MUC12: variants seen among roughly 807,000 people sequenced by gnomAD.
The protein encoded by MUC12 is mucin-12.
Under a neutral mutation model 230.8 loss-of-function variants are expected in MUC12, and 172 were observed. The ratio of observed to expected loss-of-function variants is 0.75; its 90% CI spans 0.66 to 0.85. MUC12 has a LOEUF of 0.85. MUC12 is among the 40% of genes least tolerant of loss of function. The probability of loss-of-function intolerance (pLI) is 0.00; values close to 1 mark genes in which losing one functional copy is unlikely to be tolerated. For missense variants in MUC12, 3,506 were observed against 5,920.6 expected, an observed-to-expected ratio of 0.59 and a Z score of 13.38; for synonymous variants, 1,259 against 2,401.9, an observed-to-expected ratio of 0.52 and a Z score of 13.91.
chr7:101,006,409 G>C, intron 2 of MUC12, 62 bp from the exon 3 acceptor site: 1 of 1,079,664 alleles, frequency 9.3e-7, no homozygotes, highest in African/African-American at 1.6e-5. Context: ...CCTGGAATGG[G>C]AGTGCGTGTT....
Position 101,017,661 on chromosome 7 carries a change from G to A in MUC12, c.15964G>A (p.Glu5322Lys). The change falls in exon 11 of 12, where the codon GAG becomes AAG. Residue 5322 changes from glutamate to lysine, a missense_variant and splice_region_variant. By Grantham distance (56) the Glu-to-Lys change is moderately conservative (BLOSUM62 1). Coordinates refer to ENST00000536621, the MANE Select transcript of MUC12 (RefSeq NM_001164462.2). ...CCTGGAGACTGTTGACTCTGGCACA[G>A]AGGTGACTCAGCTGCGAGCTGCCCC... ...PTLETVDSGT[E>K]LHIQRPEMVA... 6.5e-7 allele frequency: 1 copy of A among 1,535,640 alleles called. No individual in the cohort carries two copies. Among genetic ancestry groups the A allele is most frequent in the Non-Finnish European group, 8.7e-7 (1 of 1,145,842 alleles).
At chr7:100,975,679 A>G (rs1178207223) in intron 1 of MUC12, among the ~76,000 whole-genome samples, 1 of 60,062 alleles carries the variant, frequency 1.7e-5, no homozygotes, top group Non-Finnish European at 3.8e-5. Context: ...GGGCCCTTCC[A>G]CCTGGGCTGA....
chr7:100,972,055 G>A, intron 1 of MUC12: 1 of 702,476 alleles, frequency 1.4e-6, no homozygotes, highest in Non-Finnish European at 2.6e-6. Flanking sequence ...GGCAAGTAGG[G>A]CCACTCCGGA....
In MUC12 at chr7:101,005,499, G is replaced by A; in HGVS notation, c.14936G>A (p.Ser4979Asn). ...SFTSTIVSTE[S>N]LETLAPGLCQ... ...ACTTCTACAATTGTGTCTACTGAAA[G>A]CCTGGAAACCTTAGCACCAGGTACT... Residue 4979 changes from serine (S) to asparagine (N), a missense_variant, in exon 2 of 12, where the codon AGC becomes AAC. Transcript: ENST00000536621. 1 of 1,537,208 alleles carries A rather than the reference G, an allele frequency of 6.5e-7. No individual in the cohort carries two copies. The highest frequency in any genetic ancestry group is 8.7e-7 in the Non-Finnish European group (1 of 1,146,644).
At chr7:101,010,474 C>G (rs1034686962) in intron 5 of MUC12, among the ~76,000 whole-genome samples, 2 of 152,036 alleles carry the variant, frequency 1.3e-5, no homozygotes, top group Non-Finnish European at 2.9e-5. Context: ...GTAGCTGGGA[C>G]TACAGGCCTG....
In MUC12 at chr7:101,004,926, C is replaced by G. The variant is rs1369160065; in HGVS notation, c.14363C>G (p.Ser4788Ter). The G allele has an allele frequency of 1.3e-6, 2 of 1,537,936 alleles. No individual in the cohort carries two copies. Among genetic ancestry groups the G allele is most frequent in the Non-Finnish European group, 8.7e-7 (1 of 1,147,054 alleles). The change falls in exon 2 of 12, where the codon TCA becomes TGA. Residue 4788 changes from serine (S) to a stop codon, truncating the protein, a stop_gained. Transcript: ENST00000536621. LOFTEE classifies it high-confidence loss of function. ...GCGTTCCCTGCCAGCACCACCACCT[C>G]AGGCCTCAGTCAGGAATCAACAACT... ...TTAFPASTTT[S>*]GLSQESTTFH... is the part of the protein sequence containing the mutation.
rs188687397 is a variant in MUC12, at chr7:101,004,969, C to G, written c.14406C>G (p.Gly4802=). 7.2e-6 allele frequency: 11 copies of G among 1,537,656 alleles called. No homozygotes were observed. Among genetic ancestry groups the G allele is most frequent in the Admixed American group, 2.0e-5 (1 of 50,984 alleles). Residue 4802 remains glycine (G), a synonymous_variant, in exon 2 of 12, where the codon GGC becomes GGG. Transcript: ENST00000536621. ...CAACAACTTTCCACAGTAAGCCAGG[C>G]TCAACTGAGACAACACTGTCCCCTG... is the stretch of plus-strand genomic sequence containing the variant. The part of the protein sequence containing the change: ...QESTTFHSKP[G]STETTLSPGS...
chr7:101,006,684 T>A (rs1793758403), intron 3 of MUC12, 112 bp downstream of exon 3: 2 of 740,790 alleles, frequency 2.7e-6, no homozygotes, highest in South Asian at 3.1e-5. Flanking sequence ...GGAGGAGGTG[T>A]GACTCTTCCC....
intron 5 of MUC12, among the ~76,000 whole-genome samples, chr7:101,010,758 G>A (rs935563250): frequency 3.3e-5 from 5 of 151,882 alleles, no homozygotes; most frequent in Admixed American, 6.6e-5. Flanking sequence ...CAAGTGATCC[G>A]CCCGCCTTGG....
chr7:100,991,002 C>A lies in MUC12; in HGVS notation c.439C>A (p.Pro147Thr). 1 of 1,537,866 alleles carries A rather than the reference C, an allele frequency of 6.5e-7. No homozygotes were observed. Among genetic ancestry groups the A allele is most frequent in the Non-Finnish European group, 8.7e-7 (1 of 1,147,044 alleles). ...STTFYSSPRS[P>T]DRTLSPARTT... ...CACCTTCTACAGTAGCCCCAGATCA[C>A]CAGACAGAACACTCTCACCTGCCCG... Residue 147 changes from proline (P) to threonine (T), a missense_variant, in exon 2 of 12, where the codon CCA (proline) becomes ACA (threonine). By Grantham distance (38) the Pro-to-Thr change is conservative. Coordinates refer to ENST00000536621, the MANE Select transcript of MUC12 (RefSeq NM_001164462.2).
At chr7:101,012,591 C>A (rs1562794551) in intron 6 of MUC12, 144 bp downstream of exon 6, 1 of 1,077,096 alleles carries the variant, frequency 9.3e-7, no homozygotes, top group Non-Finnish European at 1.3e-6. Flanking sequence ...GGTGCCTTCC[C>A]CAGATCCCAA....
At chr7:101,008,272 G>A (rs750757340) in intron 3 of MUC12, among the ~76,000 whole-genome samples, 4 of 151,870 alleles carry the variant, frequency 2.6e-5, no homozygotes, top group South Asian at 2.1e-4. Context: ...GACTACAGGC[G>A]TGCACTACCA....
At chr7:101,005,890 T>C (rs1201050115) in intron 2 of MUC12, among the ~76,000 whole-genome samples, 1 of 152,036 alleles carries the variant, frequency 6.6e-6, no homozygotes, top group African/African-American at 2.4e-5. Flanking sequence ...CTCTGCCTCC[T>C]GGGCTCAAGC....
chr7:101,017,824 T>TCCCTTCCTCCACCTGGGAC (rs1446258507), intron 11 of MUC12, among the ~76,000 whole-genome samples, 161 bp downstream of exon 11: 7 of 64,072 alleles, frequency 1.1e-4, no homozygotes, highest in Admixed American at 2.2e-4. Context: ...CCCCTGGGAC[T>TCCCTTCCTCCACCTGGGAC]CCCTTCCTCC....
At chr7:101,009,210 C>G in intron 5 of MUC12, 51 bp downstream of exon 5, 1 of 1,493,316 alleles carries the variant, frequency 6.7e-7, no homozygotes. Flanking sequence ...CCTCCTTGTC[C>G]CTGCTTTCCT....
intron 5 of MUC12, among the ~76,000 whole-genome samples, chr7:101,011,357 G>C (rs1490644671): frequency 1.3e-5 from 2 of 152,136 alleles, no homozygotes; most frequent in Admixed American, 6.5e-5. Flanking sequence ...CTTGTCTCAA[G>C]ATCTCTCCCC....
In MUC12 at chr7:100,995,667, C is replaced by T; in HGVS notation, c.5104C>T (p.Pro1702Ser). ...WPSSKDTMPA[P>S]PTTTSAFVEL... ...AAGCTCAAAGGACACTATGCCTGCA[C>T]CTCCTACTACCACATCAGCCTTTGT... The change falls in exon 2 of 12, where the codon CCT (proline) becomes TCT (serine). Residue 1702 changes from proline (P) to serine (S), a missense_variant. Coordinates refer to ENST00000536621, the MANE Select transcript of MUC12 (RefSeq NM_001164462.2). 2 of 1,537,232 alleles carry T rather than the reference C, an allele frequency of 1.3e-6. No individual in the cohort carries two copies. The highest frequency in any genetic ancestry group is 1.7e-6 in the Non-Finnish European group (2 of 1,147,066).
intron 8 of MUC12, among the ~76,000 whole-genome samples, chr7:101,013,701 T>C (rs1380745208): frequency 1.3e-5 from 2 of 152,112 alleles, no homozygotes. Flanking sequence ...CCCTAGTCAT[T>C]TGAATTCCTG....
At position 101,005,704 on chromosome 7, in the gene MUC12, C is replaced by A. The variant is rs191619320; in HGVS notation, c.14956+185C>A. On this transcript the variant is annotated intron_variant, in intron 2 of 11. Transcript: ENST00000536621. ...TTCATGTGCCGTTCACTGGTCCCCA[C>A]ACATGTATGATGACAATCTCTCCTT... Among the ~76,000 whole-genome samples, 95 of 152,322 alleles carry A rather than the reference C, an allele frequency of 6.2e-4. No individual in the cohort carries two copies. The Middle Eastern group carries it at 0.01, about 16-fold the overall frequency.
Sources: gnomAD v4.1 joint callset for allele counts (sites outside exome capture counted in the v4.1 genomes callset) on GRCh38, gnomAD v4.1.1 for gene constraint, MANE v1.5 for transcripts, NCBI Gene and HGNC (gene_info 2026-07-23, HGNC 2026-07-21) for gene names.